The following LINGO2 variants were observed in gnomAD, a reference collection of about 807,000 sequenced individuals.
LINGO2 encodes leucine rich repeat and Ig domain containing 2.
In LINGO2, 14 loss-of-function variants were observed where a neutral mutation model predicts 30.6. The observed-to-expected ratio is 0.46, with a 90% confidence interval of 0.30 to 0.72. The LOEUF is 0.72. Ranked by LOEUF, LINGO2 falls within the 30% of genes least tolerant of loss-of-function variation. The pLI, the probability that LINGO2 is intolerant of heterozygous loss-of-function variation, is 0.07. For synonymous variants in LINGO2, 317 were observed against 288.5 expected (o/e 1.10, Z -1.00); for missense variants, 729 against 751.7 (o/e 0.97, Z 0.35).
chr9:28,898,331 T>C, the LINGO2 span, among the ~76,000 whole-genome samples: 1 of 152,170 alleles, frequency 6.6e-6, no homozygotes, highest in Admixed American at 6.5e-5. Flanking sequence ...CTAGAAAAGA[T>C]ATTCAATAAC....
chr9:28,636,138 T>C (rs1170576877), intron 1 of LINGO2, among the ~76,000 whole-genome samples: 3 of 152,172 alleles, frequency 2.0e-5, no homozygotes, highest in Non-Finnish European at 4.4e-5. Flanking sequence ...TCCATGTCCC[T>C]ACAAAGGACA....
chr9:28,217,403 A>G (rs1208046734), intron 4 of LINGO2, among the ~76,000 whole-genome samples: 6 of 152,050 alleles, frequency 3.9e-5, no homozygotes, highest in African/African-American at 1.4e-4. Context: ...AAGACAACTG[A>G]AATCAAGATT....
At chr9:29,197,857 A>T in the LINGO2 span, among the ~76,000 whole-genome samples, 1 of 152,146 alleles carries the variant, frequency 6.6e-6, no homozygotes, top group Non-Finnish European at 1.5e-5. Flanking sequence ...GGGTATTCTG[A>T]AAATGGAAAG....
the LINGO2 span, among the ~76,000 whole-genome samples, chr9:29,019,762 T>A: frequency 0.87 from 131,468 of 150,968 alleles, 57,709 homozygotes; most frequent in Non-Finnish European, 0.93. Context: ...CAAGAAAATA[T>A]TTTTTTTTTG....
chr9:28,370,970 T>C (rs1253128345), intron 3 of LINGO2, among the ~76,000 whole-genome samples: 2 of 152,200 alleles, frequency 1.3e-5, no homozygotes, highest in Non-Finnish European at 2.9e-5. Context: ...TGAGTATACC[T>C]ACAGTGGCTA....
At chr9:29,014,762 G>A in the LINGO2 span, among the ~76,000 whole-genome samples, 2 of 152,198 alleles carry the variant, frequency 1.3e-5, no homozygotes, top group Non-Finnish European at 2.9e-5. Context: ...GTACTGCGGT[G>A]GAACTTCTCA....
At chr9:28,201,264 T>G (rs1820224447) in intron 4 of LINGO2, among the ~76,000 whole-genome samples, 1 of 140,480 alleles carries the variant, frequency 7.1e-6, no homozygotes, top group East Asian at 2.3e-4. Flanking sequence ...GAGTTTGATA[T>G]TCCCCTTCCT....
At chr9:29,181,829 T>C in the LINGO2 span, among the ~76,000 whole-genome samples, 1 of 152,148 alleles carries the variant, frequency 6.6e-6, no homozygotes, top group Admixed American at 6.5e-5. Context: ...AAAGGTGAGC[T>C]ATCTATTAAT....
At chr9:28,478,638 T>C (rs949274993) in intron 1 of LINGO2, among the ~76,000 whole-genome samples, 1 of 152,138 alleles carries the variant, frequency 6.6e-6, no homozygotes, top group Non-Finnish European at 1.5e-5. Context: ...AAAATACTAT[T>C]ATAACAATAA....
the LINGO2 span, among the ~76,000 whole-genome samples, chr9:28,868,457 G>A: frequency 1.3e-5 from 2 of 152,030 alleles, no homozygotes; most frequent in Non-Finnish European, 2.9e-5. Context: ...TTTCTCTTTT[G>A]TTCTCCCTGC....
chr9:29,045,898 G>A, the LINGO2 span, among the ~76,000 whole-genome samples: 1 of 152,080 alleles, frequency 6.6e-6, no homozygotes, highest in South Asian at 2.1e-4. Context: ...TATTCTTCTT[G>A]TGTCAATTGT....
chr9:28,014,866 TTAA>T (rs1269403064), intron 4 of LINGO2, among the ~76,000 whole-genome samples: 1 of 152,170 alleles, frequency 6.6e-6, no homozygotes, highest in Non-Finnish European at 1.5e-5. Context: ...TTCAATATTT[TTAA>T]TAATTTAGAA....
Position 28,226,667 on chromosome 9 carries a change from G to C in LINGO2, c.-87+68541C>G, listed in dbSNP as rs994581595. On this transcript the variant is annotated intron_variant, in intron 4 of 5. Coordinates refer to ENST00000379992, the Ensembl canonical transcript of LINGO2. Reference sequence around the variant, plus strand: ...GGAAAGAAAGAAAGAAAGAAAGAAAGAAAGAAAGAAAGAAAGAAAGAAAGA... The same window carrying C: ...GGAAAGAAAGAAAGAAAGAAAGAAACAAAGAAAGAAAGAAAGAAAGAAAGA... 2.4e-4 allele frequency among the ~76,000 whole-genome samples: 22 copies of C among 93,268 alleles called. 1 individual carries two copies. Among genetic ancestry groups the C allele is most frequent in the African/African-American group, 1.1e-3 (19 of 16,904 alleles). The allele number at this position is 93,268 out of a possible 152,430, so 61.2% of individuals were successfully genotyped here.
intron 3 of LINGO2, among the ~76,000 whole-genome samples, chr9:28,338,381 A>C (rs544757741): frequency 6.6e-6 from 1 of 152,222 alleles, no homozygotes; most frequent in African/African-American, 2.4e-5. Flanking sequence ...TTATAGGTGG[A>C]ATGGATTTTC....
At chr9:28,505,669 A>T (rs1820080124) in intron 1 of LINGO2, among the ~76,000 whole-genome samples, 2 of 151,910 alleles carry the variant, frequency 1.3e-5, no homozygotes, top group Non-Finnish European at 2.9e-5. Context: ...ACCTTTTCTT[A>T]TTTGACCCTA....
chr9:29,056,990 G>C, the LINGO2 span, among the ~76,000 whole-genome samples: 16 of 152,240 alleles, frequency 1.1e-4, no homozygotes, highest in South Asian at 3.3e-3. Flanking sequence ...GGTGACTAGA[G>C]CCGTATAGTA....
intron 1 of LINGO2, among the ~76,000 whole-genome samples, chr9:28,491,531 T>G (rs1826395009): frequency 6.6e-6 from 1 of 152,218 alleles, no homozygotes. Context: ...TACCACATGT[T>G]CGGAGTAAGT....
the LINGO2 span, among the ~76,000 whole-genome samples, chr9:29,191,241 C>G: frequency 1.3e-5 from 2 of 152,066 alleles, no homozygotes; most frequent in Non-Finnish European, 2.9e-5. Flanking sequence ...CGTATTCAGT[C>G]TGTTAGGTGC....
intron 1 of LINGO2, among the ~76,000 whole-genome samples, chr9:28,559,132 G>A (rs975337653): frequency 1.3e-5 from 2 of 152,022 alleles, no homozygotes; most frequent in Admixed American, 6.6e-5. Flanking sequence ...TCTAAAAACT[G>A]TCATCAAGTA....
Sources: allele counts gnomAD v4.1 joint callset (sites outside exome capture counted in the v4.1 genomes callset), GRCh38; gene constraint gnomAD v4.1.1; transcripts MANE v1.5; gene names NCBI Gene and HGNC (gene_info 2026-07-23, HGNC 2026-07-21).